RNF175: variants seen among roughly 807,000 people sequenced by gnomAD.
The protein encoded by RNF175 is ring finger protein 175.
In RNF175, 38 loss-of-function variants were observed where a neutral mutation model predicts 50.0. The ratio of observed to expected loss-of-function variants is 0.76; its 90% CI spans 0.59 to 1.00. The LOEUF is 1.00. RNF175 is among the 50% of genes least tolerant of loss of function. RNF175 has a pLI of 0.00. For missense variants in RNF175, 388 were observed against 409.6 expected (o/e 0.95, Z 0.46); for synonymous variants, 155 against 146.1 (o/e 1.06, Z -0.44).
At chr4:153,753,966 A>C (rs28654117) in intron 1 of RNF175, among the ~76,000 whole-genome samples, 146,494 of 150,328 alleles carry the variant, frequency 0.97, 71,496 homozygotes, top group East Asian at 1. Flanking sequence ...GTCAGGAGAT[A>C]GAGACCATCC....
intron 3 of RNF175, among the ~76,000 whole-genome samples, chr4:153,736,176 A>T (rs536222024): frequency 6.6e-6 from 1 of 152,346 alleles, no homozygotes; most frequent in South Asian, 2.1e-4. Context: ...ACATGAATGC[A>T]TGCTAGACCT....
chr4:153,753,604 C>G (rs1295057155), intron 1 of RNF175, among the ~76,000 whole-genome samples: 1 of 151,226 alleles, frequency 6.6e-6, no homozygotes, highest in African/African-American at 2.4e-5. Context: ...GTCGCCCAGG[C>G]TAGAGTGCAA....
chr4:153,737,641 T>C (rs983823879), intron 3 of RNF175, among the ~76,000 whole-genome samples: 4 of 152,252 alleles, frequency 2.6e-5, no homozygotes, highest in Non-Finnish European at 5.9e-5. Flanking sequence ...ATTTCTAGTT[T>C]AATTCATTGT....
intron 3 of RNF175, among the ~76,000 whole-genome samples, chr4:153,732,774 G>C (rs1201128317): frequency 6.6e-6 from 1 of 152,210 alleles, no homozygotes; most frequent in African/African-American, 2.4e-5. Context: ...TTTATTTCTA[G>C]TTAAATGCTG....
intron 6 of RNF175, among the ~76,000 whole-genome samples, chr4:153,718,222 GTTTGTTTGTTTGTTTGT>G (rs778942745): frequency 2.7e-5 from 1 of 37,540 alleles, no homozygotes; most frequent in Admixed American, 3.8e-4. Context: ...TTTTTTGTTT[GTTTGTTTGTTTGTTTGT>G]TTTTTTTTTT....
chr4:153,756,173 C>G (rs1277583449), intron 1 of RNF175, among the ~76,000 whole-genome samples: 1 of 152,206 alleles, frequency 6.6e-6, no homozygotes, highest in Non-Finnish European at 1.5e-5. Context: ...CCTCTGTCCT[C>G]TTTTTTATCC....
chr4:153,755,901 A>G (rs1386113274), intron 1 of RNF175, among the ~76,000 whole-genome samples: 1 of 152,212 alleles, frequency 6.6e-6, no homozygotes, highest in Non-Finnish European at 1.5e-5. Flanking sequence ...ACATAGAAAT[A>G]TTTTCATGAC....
At chr4:153,747,166 G>C (rs138214607) in intron 3 of RNF175, among the ~76,000 whole-genome samples, 36 of 152,296 alleles carry the variant, frequency 2.4e-4, no homozygotes, top group African/African-American at 8.7e-4. Context: ...TTGATTACTT[G>C]CACCTGGCTT....
In RNF175 at chr4:153,712,487, A is replaced by G. The variant is rs1737653359; in HGVS notation, c.854T>C (p.Met285Thr). 6.3e-7 allele frequency: 1 copy of G among 1,593,678 alleles called. No individual in the cohort carries two copies. Among genetic ancestry groups the G allele is most frequent in the Non-Finnish European group, 8.6e-7 (1 of 1,162,024 alleles). The change falls in exon 8 of 9, where the codon ATG becomes ACG. Residue 285 changes from methionine (M) to threonine (T), a missense_variant. Transcript: ENST00000347063. ...YCKEKVDLKR[M>T]ISNPWERTHF... is the part of the protein sequence containing the mutation. ...TTTTAAAGGATATGGATTACTGATC[A>G]TCCTCTTCAAATCAACTTTCTCTTT...
At chr4:153,737,603 T>C (rs1739419274) in intron 3 of RNF175, among the ~76,000 whole-genome samples, 1 of 152,214 alleles carries the variant, frequency 6.6e-6, no homozygotes, top group South Asian at 2.1e-4. Context: ...TGAAAATATT[T>C]TGGAATTTTC....
intron 1 of RNF175, among the ~76,000 whole-genome samples, chr4:153,758,963 C>T (rs1740689809): frequency 6.6e-6 from 1 of 152,108 alleles, no homozygotes; most frequent in Non-Finnish European, 1.5e-5. Flanking sequence ...TTGCCTGAAC[C>T]TATTTTGGGA....
intron 1 of RNF175, 139 bp downstream of exon 1, chr4:153,759,658 T>A: frequency 3.8e-6 from 2 of 530,062 alleles, no homozygotes; most frequent in East Asian, 7.1e-5. Context: ...CATGCGTCCG[T>A]CCCCACGTCT....
chr4:153,747,647 T>C (rs1740046010), intron 3 of RNF175, among the ~76,000 whole-genome samples: 1 of 152,238 alleles, frequency 6.6e-6, no homozygotes, highest in Admixed American at 6.5e-5. Flanking sequence ...ATAGTTCTTT[T>C]CTTCTTCTGA....
At chr4:153,746,812 G>T (rs746760584) in intron 3 of RNF175, among the ~76,000 whole-genome samples, 3 of 152,214 alleles carry the variant, frequency 2.0e-5, no homozygotes, top group Admixed American at 6.5e-5. Flanking sequence ...TTTTGCTTAG[G>T]CCCTCTGGTT....
rs72731687 is a variant in RNF175 at position 153,758,643 on chromosome 4, G to A, written c.66+1154C>T. ...TCATTTTAAGTTTCCCCATTTTGTG[G>A]TACACAAGCCCCTCCACAGCCTAGC... On this transcript the variant is annotated intron_variant, in intron 1 of 8. Coordinates refer to ENST00000347063, the MANE Select transcript of RNF175 (RefSeq NM_173662.4). Among the ~76,000 whole-genome samples, 1,416 of 152,132 alleles carry A rather than the reference G, an allele frequency of 9.3e-3. 17 individuals are homozygous for A. The highest frequency in any genetic ancestry group is 9.5e-3 in the Non-Finnish European group (648 of 68,008).
chr4:153,739,361 C>T (rs1489990308), intron 3 of RNF175, among the ~76,000 whole-genome samples: 1 of 151,572 alleles, frequency 6.6e-6, no homozygotes, highest in Non-Finnish European at 1.5e-5. Context: ...GCGACGGGTA[C>T]AGTGAGCCGA....
intron 3 of RNF175, among the ~76,000 whole-genome samples, chr4:153,747,516 G>C (rs963305044): frequency 6.6e-5 from 10 of 152,152 alleles, no homozygotes; most frequent in African/African-American, 2.4e-4. Flanking sequence ...TCCAGCTTCC[G>C]ATACCTTGTT....
In RNF175 at chr4:153,718,224, TTGTTTGTTTGTTTG is replaced by T. The variant is rs1459739590; in HGVS notation, c.630+1946_630+1959del. Among the ~76,000 whole-genome samples, 149 of 24,720 alleles carry T rather than the reference TTGTTTGTTTGTTTG, an allele frequency of 6.0e-3. 19 individuals carry two copies. Among genetic ancestry groups the T allele is most frequent in the African/African-American group, 0.011 (130 of 11,562 alleles). 16.2% of individuals were successfully genotyped at this position (24,720 alleles called of 152,430 possible). The stretch of plus-strand genomic sequence containing the variant: ...TTCCTAAGGAGTTTTTTTTGTTTGT[TTGTTTGTTTGTTTG>T]TTTTTTTTTTTTTTGAAGCAGATGC... On this transcript the variant is annotated intron_variant, in intron 6 of 8. Transcript: ENST00000347063.
At chr4:153,713,057 T>C (rs1195992576) in intron 7 of RNF175, 1 of 152,620 alleles carries the variant, frequency 6.6e-6, no homozygotes, top group African/African-American at 2.4e-5. Context: ...GTTACAAATA[T>C]TTCCATTAAC....
Sources: gnomAD v4.1 joint callset for allele counts (sites outside exome capture counted in the v4.1 genomes callset) on GRCh38, gnomAD v4.1.1 for gene constraint, MANE v1.5 for transcripts, NCBI Gene and HGNC (gene_info 2026-07-23, HGNC 2026-07-21) for gene names.